BCL2: variants seen among roughly 807,000 people sequenced by gnomAD.
BCL2 encodes the protein apoptosis regulator Bcl-2.
Under a neutral mutation model 14.2 loss-of-function variants are expected in BCL2, and 1 was observed. The ratio of observed to expected loss-of-function variants is 0.07; its 90% CI spans 0.02 to 0.33. The LOEUF is 0.33. BCL2 is among the 10% of genes least tolerant of loss of function. The probability of loss-of-function intolerance (pLI) is 0.99; values close to 1 mark genes in which losing one functional copy is unlikely to be tolerated. For missense variants in BCL2, 247 were observed against 305.9 expected (o/e 0.81, Z 1.44); for synonymous variants, 151 against 137.2 (o/e 1.10, Z -0.70).
chr18:63,255,618 C>T (rs7234941), intron 2 of BCL2, among the ~76,000 whole-genome samples: 22,018 of 152,086 alleles, frequency 0.14, 1,778 homozygotes, highest in Non-Finnish European at 0.18. Context: ...TCTCACTTTG[C>T]AATTGACCTG....
At chr18:63,175,089 C>T (rs1219447675) in intron 2 of BCL2, among the ~76,000 whole-genome samples, 2 of 152,182 alleles carry the variant, frequency 1.3e-5, no homozygotes, top group Non-Finnish European at 2.9e-5. Flanking sequence ...AAGCCCCCCA[C>T]AAGCACTTCC....
At chr18:63,311,523 T>C (rs1436877017) in intron 2 of BCL2, among the ~76,000 whole-genome samples, 1 of 152,140 alleles carries the variant, frequency 6.6e-6, no homozygotes, top group Non-Finnish European at 1.5e-5. Context: ...CTTGACACAG[T>C]GGGTTCTCGG....
chr18:63,266,604 A>ATCTCTCTCTC lies in BCL2; in HGVS notation c.585+51468_585+51477dup, dbSNP rs36078664. On this transcript the variant is annotated intron_variant, in intron 2 of 2. Coordinates refer to ENST00000333681, the MANE Select transcript of BCL2 (RefSeq NM_000633.3). ...AACCCGGAACCAATTTGGAACATAA[A>ATCTCTCTCTC]TCTCTCTCTCTCTCTCTCTCTCTCT... 7.1e-4 allele frequency among the ~76,000 whole-genome samples: 101 copies of ATCTCTCTCTC among 141,548 alleles called. 1 individual carries two copies. The highest frequency in any genetic ancestry group is 2.6e-3 in the African/African-American group (95 of 37,230). 92.9% of individuals were successfully genotyped at this position (141,548 alleles called of 152,430 possible). A position where few individuals can be genotyped will look rare whatever the true frequency, so the allele number is the denominator to read the frequency against.
rs1465482177 is a variant in BCL2, at chr18:63,128,485, G to C, written c.*140C>G. On this transcript the variant is annotated 3_prime_UTR_variant, in exon 3 of 3. Transcript: ENST00000333681. The stretch of plus-strand genomic sequence containing the variant: ...TTGTTGTGTGTGTGTGTGTCTGTCT[G>C]TGTGTGTGATGTTTATATGTGTGTT... 1 of 603,470 alleles carries C rather than the reference G, an allele frequency of 1.7e-6. No individual in the cohort carries two copies. Among genetic ancestry groups the C allele is most frequent in the Admixed American group, 2.8e-5 (1 of 36,022 alleles). 37.4% of individuals were successfully genotyped at this position (603,470 alleles called of 1,614,324 possible).
intron 2 of BCL2, among the ~76,000 whole-genome samples, chr18:63,269,478 T>G (rs1322438747): frequency 1.3e-5 from 2 of 152,130 alleles, no homozygotes; most frequent in Non-Finnish European, 2.9e-5. Context: ...AGTTATTACA[T>G]TAAAGAAATA....
At chr18:63,199,790 A>G (rs12456572) in intron 2 of BCL2, among the ~76,000 whole-genome samples, 149,455 of 152,322 alleles carry the variant, frequency 0.98, 73,370 homozygotes, top group East Asian at 1. Context: ...CACCATAGTG[A>G]GGCTCATCCC....
chr18:63,274,331 G>A (rs1446044503), intron 2 of BCL2, among the ~76,000 whole-genome samples: 1 of 133,664 alleles, frequency 7.5e-6, no homozygotes, highest in Non-Finnish European at 1.5e-5. Context: ...CACCCAGGCT[G>A]GAATGTAGTG....
At chr18:63,250,500 T>C (rs1026777126) in intron 2 of BCL2, among the ~76,000 whole-genome samples, 10 of 152,258 alleles carry the variant, frequency 6.6e-5, no homozygotes, top group African/African-American at 2.4e-4. Context: ...CCAGTTAATA[T>C]GATGACGATG....
chr18:63,162,098 G>C (rs1035976304), intron 2 of BCL2, among the ~76,000 whole-genome samples: 2 of 152,104 alleles, frequency 1.3e-5, no homozygotes, highest in Admixed American at 6.5e-5. Flanking sequence ...TGCCCGCTCC[G>C]CACTCAAATC....
chr18:63,160,456 A>C (rs1361390700), intron 2 of BCL2, among the ~76,000 whole-genome samples: 1 of 152,188 alleles, frequency 6.6e-6, no homozygotes, highest in Non-Finnish European at 1.5e-5. Context: ...TTGAGGCTGA[A>C]TAGTCACATC....
At chr18:63,162,772 T>C (rs1469646856) in intron 2 of BCL2, among the ~76,000 whole-genome samples, 1 of 152,116 alleles carries the variant, frequency 6.6e-6, no homozygotes, top group Non-Finnish European at 1.5e-5. Context: ...TTTCCATGCC[T>C]TCACCCTCCC....
chr18:63,186,188 C>A (rs546853386), intron 2 of BCL2, among the ~76,000 whole-genome samples: 2 of 152,160 alleles, frequency 1.3e-5, no homozygotes, highest in Admixed American at 6.5e-5. Context: ...TTTCTCTGTG[C>A]CTGAGCATGC....
chr18:63,202,260 G>C (rs1010400991), intron 2 of BCL2, among the ~76,000 whole-genome samples: 1 of 152,176 alleles, frequency 6.6e-6, no homozygotes, highest in Non-Finnish European at 1.5e-5. Flanking sequence ...AGTGAGACGA[G>C]ATCGGGCCAC....
chr18:63,211,216 C>A (rs775396655), intron 2 of BCL2, among the ~76,000 whole-genome samples: 7 of 151,846 alleles, frequency 4.6e-5, no homozygotes, highest in African/African-American at 7.3e-5. Context: ...CATCACCACA[C>A]CCAGCTAATT....
At chr18:63,228,707 A>G (rs1242998645) in intron 2 of BCL2, among the ~76,000 whole-genome samples, 2 of 68,930 alleles carry the variant, frequency 2.9e-5, no homozygotes, top group Non-Finnish European at 6.2e-5. Flanking sequence ...TTACAGCCAA[A>G]AGCAATTTTT....
At chr18:63,234,457 A>G (rs982235750) in intron 2 of BCL2, among the ~76,000 whole-genome samples, 13 of 152,078 alleles carry the variant, frequency 8.5e-5, no homozygotes, top group Non-Finnish European at 1.6e-4. Context: ...TCCATGGTGT[A>G]TATGTATCAC....
chr18:63,282,106 C>T (rs1262549926), intron 2 of BCL2, among the ~76,000 whole-genome samples: 5 of 152,108 alleles, frequency 3.3e-5, no homozygotes, highest in African/African-American at 4.8e-5. Flanking sequence ...AGCCTTTTGT[C>T]GGCTAAAGTG....
chr18:63,266,542 A>G (rs559099764), intron 2 of BCL2, among the ~76,000 whole-genome samples: 14 of 151,114 alleles, frequency 9.3e-5, no homozygotes, highest in Non-Finnish European at 7.4e-5. Context: ...AATAAATTGT[A>G]TATATAATTT....
At position 63,180,682 on chromosome 18, in the gene BCL2, G is replaced by A. The variant is rs534798891; in HGVS notation, c.586-51923C>T. Among the ~76,000 whole-genome samples the A allele has an allele frequency of 3.2e-4, 48 of 152,334 alleles. 2 individuals are homozygous for A. The South Asian group carries it at 4.1e-3, about 13-fold the overall frequency. On this transcript the variant is annotated intron_variant, in intron 2 of 2. Transcript: ENST00000333681. ...GAACTGAAGCTGCATTGTAGGATAG[G>A]GGGTCTCCAGCCAATGCTCCTAGAC...
Sources: allele counts gnomAD v4.1 joint callset (sites outside exome capture counted in the v4.1 genomes callset), GRCh38; gene constraint gnomAD v4.1.1; transcripts MANE v1.5; gene names NCBI Gene and HGNC (gene_info 2026-07-23, HGNC 2026-07-21).